Variants in TPH2 observed in about 807,000 individuals in gnomAD.
The protein encoded by TPH2 is tryptophan 5-hydroxylase 2.
In TPH2, 27 loss-of-function variants were observed where a neutral mutation model predicts 59.1. That is an observed-to-expected ratio of 0.46 (90% CI 0.34 to 0.63). The LOEUF is 0.63. Among genes scored for constraint, TPH2 ranks in the 30% least tolerant of loss-of-function variants. The pLI, the probability that TPH2 is intolerant of heterozygous loss-of-function variation, is 0.01. For missense variants in TPH2, 523 were observed against 588.3 expected (o/e 0.89, Z 1.15); for synonymous variants, 220 against 210.5 (o/e 1.05, Z -0.39).
chr12:72,007,463 C>A (rs1872984637), intron 8 of TPH2, among the ~76,000 whole-genome samples: 1 of 152,128 alleles, frequency 6.6e-6, no homozygotes, highest in Non-Finnish European at 1.5e-5. Flanking sequence ...GGCTGCTCCT[C>A]CTTATGAGTT....
chr12:71,967,507 C>T (rs1871851792), intron 5 of TPH2, among the ~76,000 whole-genome samples: 1 of 152,176 alleles, frequency 6.6e-6, no homozygotes. Context: ...CATTCTTTGA[C>T]AAGAAGGCAG....
At chr12:72,027,699 G>A (rs181918421) in intron 9 of TPH2, among the ~76,000 whole-genome samples, 1 of 152,264 alleles carries the variant, frequency 6.6e-6, no homozygotes, top group Admixed American at 6.5e-5. Flanking sequence ...AGCTGGAATG[G>A]CAAATAAGTC....
chr12:71,951,741 T>A (rs1222416771), intron 5 of TPH2, among the ~76,000 whole-genome samples: 1 of 151,874 alleles, frequency 6.6e-6, no homozygotes, highest in East Asian at 1.9e-4. Flanking sequence ...ATGACATGAT[T>A]TCGGCCGGGT....
intron 5 of TPH2, among the ~76,000 whole-genome samples, chr12:71,970,866 A>G (rs932596628): frequency 1.5e-4 from 23 of 152,240 alleles, no homozygotes; most frequent in African/African-American, 5.5e-4. Flanking sequence ...CTTGGTATTC[A>G]GAGAAAGCAA....
At chr12:71,985,899 A>C (rs1205542000) in intron 7 of TPH2, among the ~76,000 whole-genome samples, 1 of 152,200 alleles carries the variant, frequency 6.6e-6, no homozygotes, top group Non-Finnish European at 1.5e-5. Flanking sequence ...AGGAGGAGGC[A>C]TCTGCTATCT....
At chr12:72,020,953 A>G in intron 8 of TPH2, among the ~76,000 whole-genome samples, 1 of 152,206 alleles carries the variant, frequency 6.6e-6, no homozygotes, top group East Asian at 1.9e-4. Flanking sequence ...AAAAAAATAT[A>G]TAACCTTCCT....
intron 4 of TPH2, among the ~76,000 whole-genome samples, chr12:71,945,542 A>G (rs1328248837): frequency 6.6e-6 from 1 of 152,158 alleles, no homozygotes; most frequent in Admixed American, 6.6e-5. Flanking sequence ...TAGTTTACAG[A>G]CATTCCTTGC....
intron 5 of TPH2, among the ~76,000 whole-genome samples, chr12:71,954,672 A>G (rs1871444821): frequency 6.6e-6 from 1 of 152,160 alleles, no homozygotes; most frequent in Non-Finnish European, 1.5e-5. Context: ...TTCATATTTG[A>G]ATCTCAGCAT....
In TPH2 at chr12:72,020,152, A is replaced by G. The variant is rs141299037; in HGVS notation, c.1069-2247A>G. Among the ~76,000 whole-genome samples, 84 of 152,300 alleles carry G rather than the reference A, an allele frequency of 5.5e-4. 1 individual carries two copies. The East Asian group carries it at 0.015, about 27-fold the overall frequency. ...GTCTGAAGACATTTTTGGTTGTTAC[A>G]AAGGGGGTGGGAGTGCTACTGGCAC... On this transcript the variant is annotated intron_variant, in intron 8 of 10. Coordinates refer to ENST00000333850, the MANE Select transcript of TPH2 (RefSeq NM_173353.4).
intron 1 of TPH2, 73 bp from the exon 2 acceptor site, chr12:71,941,511 G>GA (rs1327052078): frequency 1.3e-6 from 2 of 1,544,386 alleles, no homozygotes; most frequent in African/African-American, 1.4e-5. Flanking sequence ...ACATGTATGG[G>GA]AAAAATCTAA....
intron 8 of TPH2, among the ~76,000 whole-genome samples, chr12:71,997,586 T>C (rs183789493): frequency 5.7e-4 from 87 of 152,326 alleles, no homozygotes; most frequent in African/African-American, 2.0e-3. Context: ...CTAAAAACAC[T>C]TCCATCTAGT....
At chr12:72,024,146 A>C (rs1312777296) in intron 9 of TPH2, among the ~76,000 whole-genome samples, 1 of 152,204 alleles carries the variant, frequency 6.6e-6, no homozygotes, top group Non-Finnish European at 1.5e-5. Flanking sequence ...ATAAACAACC[A>C]ATCACATAAT....
At chr12:72,024,805 C>G (rs1387228610) in intron 9 of TPH2, among the ~76,000 whole-genome samples, 1 of 152,148 alleles carries the variant, frequency 6.6e-6, no homozygotes, top group African/African-American at 2.4e-5. Flanking sequence ...TGGAAATCAG[C>G]CAGAAATACG....
intron 8 of TPH2, among the ~76,000 whole-genome samples, chr12:72,000,436 T>A (rs1466721986): frequency 1.3e-5 from 2 of 152,192 alleles, no homozygotes; most frequent in Admixed American, 6.5e-5. Flanking sequence ...CGAAGTAACC[T>A]GAGGATCATG....
At position 71,978,999 on chromosome 12, in the gene TPH2, C is replaced by T. The variant is rs1872196682; in HGVS notation, c.853C>T (p.Arg285Ter). 4 of 1,614,086 alleles carry T rather than the reference C, an allele frequency of 2.5e-6. No homozygotes were observed. The highest frequency in any genetic ancestry group is 3.4e-6 in the Non-Finnish European group (4 of 1,180,018). ...GCCGGTGGCTGGATACCTGAGCCCA[C>T]GAGACTTTCTGGCAGGACTGGCCTA... ...VRPVAGYLSP[R>*]DFLAGLAYRV... The change falls in exon 7 of 11, where the codon CGA becomes TGA. Residue 285 changes from arginine (R) to a stop codon, truncating the protein, a stop_gained. Transcript: ENST00000333850. LOFTEE classifies it high-confidence loss of function.
chr12:71,942,790 G>A (rs780330898), intron 2 of TPH2, among the ~76,000 whole-genome samples: 15 of 152,096 alleles, frequency 9.9e-5, no homozygotes, highest in Admixed American at 4.6e-4. Context: ...TTTTGACCTC[G>A]AAGAAAGGAT....
chr12:71,987,543 A>G (rs1419460633), intron 7 of TPH2, among the ~76,000 whole-genome samples: 1 of 152,192 alleles, frequency 6.6e-6, no homozygotes, highest in African/African-American at 2.4e-5. Flanking sequence ...TTCTCTTACT[A>G]CATTGTTTAA....
chr12:72,010,030 T>C lies in TPH2; in HGVS notation c.1069-12369T>C, dbSNP rs569662058. On this transcript the variant is annotated intron_variant, in intron 8 of 10. Coordinates refer to ENST00000333850, the MANE Select transcript of TPH2 (RefSeq NM_173353.4). Reference sequence around the variant, plus strand: ...TGGGGGATTTAGCACTGGCAAATAATAAAACTTCAATAAGTAGTAGTTATT... The same window carrying C: ...TGGGGGATTTAGCACTGGCAAATAACAAAACTTCAATAAGTAGTAGTTATT... Among the ~76,000 whole-genome samples the C allele has an allele frequency of 4.9e-4, 75 of 152,326 alleles. 1 individual carries two copies. The highest frequency in any genetic ancestry group is 1.5e-3 in the African/African-American group (62 of 41,574).
In TPH2 at chr12:71,939,023, T is replaced by C. The variant is rs781518671; in HGVS notation, c.37T>C (p.Trp13Arg). 6.2e-7 allele frequency: 1 copy of C among 1,614,058 alleles called. No individual in the cohort carries two copies. The stretch of plus-strand genomic sequence containing the variant: ...AATGATGATGTTTTCCAGTAAATAC[T>C]GGGCACGGAGAGGGTTTTCCCTGGA... ...PAMMMFSSKY[W>R]ARRGFSLDSA... Residue 13 changes from tryptophan (W) to arginine (R), a missense_variant, in exon 1 of 11, where the codon TGG becomes CGG. Trp to Arg is a moderately radical substitution (Grantham distance 101). Transcript: ENST00000333850.
Sources: gnomAD v4.1 joint callset for allele counts (sites outside exome capture counted in the v4.1 genomes callset) on GRCh38, gnomAD v4.1.1 for gene constraint, MANE v1.5 for transcripts, NCBI Gene and HGNC (gene_info 2026-07-23, HGNC 2026-07-21) for gene names.